The following ACOXL variants were observed in gnomAD, a reference collection of about 807,000 sequenced individuals.
ACOXL encodes acyl-coenzyme A oxidase-like protein.
ACOXL carries 70 observed loss-of-function variants against 71.9 expected under a neutral mutation model. That is an observed-to-expected ratio of 0.97 (90% CI 0.80 to 1.19). The LOEUF is 1.19. ACOXL is among the 50% of genes most tolerant of loss of function. The pLI is 0.00. For missense variants in ACOXL, 703 were observed against 736.3 expected (o/e 0.95, Z 0.52); for synonymous variants, 253 against 281.6 (o/e 0.90, Z 1.02).
chr2:110,820,247 CA>C (rs1208121586), intron 9 of ACOXL, among the ~76,000 whole-genome samples: 2 of 152,054 alleles, frequency 1.3e-5, no homozygotes, highest in Non-Finnish European at 2.9e-5. Context: ...GGAGGAACAA[CA>C]GGAGCACGTC....
rs552922122 is a variant in ACOXL at position 110,881,475 on chromosome 2, G to A, written c.789-27314G>A. Reference sequence around the variant, plus strand: ...CATATATATATATATGCTTTATTAAGGTATAATTAACATACAATAAACTGT... The same window carrying A: ...CATATATATATATATGCTTTATTAAAGTATAATTAACATACAATAAACTGT... On this transcript the variant is annotated intron_variant, in intron 10 of 17. Coordinates refer to ENST00000439055, the MANE Select transcript of ACOXL (RefSeq NM_001142807.4). Among the ~76,000 whole-genome samples the A allele has an allele frequency of 1.3e-5, 2 of 151,910 alleles. 1 individual carries two copies. Among genetic ancestry groups the A allele is most frequent in the South Asian group, 4.2e-4 (2 of 4,812 alleles).
chr2:111,090,201 T>C (rs1448707776), intron 16 of ACOXL, among the ~76,000 whole-genome samples: 1 of 152,124 alleles, frequency 6.6e-6, no homozygotes, highest in Non-Finnish European at 1.5e-5. Context: ...ACCCTAGGCA[T>C]ATAAAGATGA....
intron 11 of ACOXL, among the ~76,000 whole-genome samples, chr2:110,921,399 C>T (rs868288575): frequency 2.4e-4 from 30 of 122,912 alleles, no homozygotes; most frequent in African/African-American, 7.4e-4. Context: ...CCCCCCCCCC[C>T]CTTTTTTTTT....
intron 12 of ACOXL, among the ~76,000 whole-genome samples, chr2:110,959,121 G>T (rs557617976): frequency 6.6e-6 from 1 of 152,356 alleles, no homozygotes; most frequent in South Asian, 2.1e-4. Flanking sequence ...TTGGCTGAGT[G>T]TGAATGGCCC....
chr2:110,989,235 A>T (rs2063070266), intron 13 of ACOXL, among the ~76,000 whole-genome samples: 1 of 152,118 alleles, frequency 6.6e-6, no homozygotes, highest in South Asian at 2.1e-4. Context: ...GGCACCGTTT[A>T]CTGAATTGGA....
Position 110,933,560 on chromosome 2 carries a change from C to T in ACOXL, c.977C>T (p.Ala326Val). The T allele has an allele frequency of 6.2e-7, 1 of 1,614,174 alleles. No individual in the cohort carries two copies. Residue 326 changes from alanine (A) to valine (V), a missense_variant, in exon 12 of 18, where the codon GCT becomes GTT. Transcript: ENST00000439055. Reference protein sequence around the residue: ...KELVNSRSLQALVAGLKAYST... With the variant: ...KELVNSRSLQVLVAGLKAYST... The stretch of plus-strand genomic sequence containing the variant: ...CTGGTCAACAGTCGCTCGCTGCAGG[C>T]TCTGGTGGCGGGGCTGAAGGCCTAC...
chr2:110,871,981 T>C (rs1695335472), intron 10 of ACOXL, among the ~76,000 whole-genome samples: 1 of 152,240 alleles, frequency 6.6e-6, no homozygotes, highest in Non-Finnish European at 1.5e-5. Flanking sequence ...TGCATTCAAC[T>C]GTAATGATTG....
intron 15 of ACOXL, among the ~76,000 whole-genome samples, chr2:111,037,147 G>T (rs544915874): frequency 1.8e-4 from 27 of 152,162 alleles, no homozygotes; most frequent in Non-Finnish European, 3.5e-4. Context: ...CGGTCTTCAT[G>T]CTGGGGTTCC....
Position 110,821,846 on chromosome 2 carries a change from A to T in ACOXL, c.753+16451A>T, listed in dbSNP as rs532294529. On this transcript the variant is annotated intron_variant, in intron 9 of 17. Coordinates refer to ENST00000439055, the MANE Select transcript of ACOXL (RefSeq NM_001142807.4). ...ATACTTTGGGTTATAATCTAATACT[A>T]CTTTCTTTTGTTGCTCAAATTGTTT... Among the ~76,000 whole-genome samples the T allele has an allele frequency of 2.9e-3, 436 of 152,130 alleles. 1 individual carries two copies. Among genetic ancestry groups the T allele is most frequent in the Non-Finnish European group, 5.3e-3 (362 of 68,000 alleles).
chr2:111,029,638 C>T lies in ACOXL; in HGVS notation c.1282-1989C>T, dbSNP rs117731421. On this transcript the variant is annotated intron_variant, in intron 14 of 17. Transcript: ENST00000439055. The stretch of plus-strand genomic sequence containing the variant: ...TTGCTTTCCTATTCTAGGAATGCTG[C>T]CTTTCCATCAGCATGCCCCAAGACC... 1.9e-3 allele frequency among the ~76,000 whole-genome samples: 290 copies of T among 152,312 alleles called. 7 individuals are homozygous for T. In the East Asian group the frequency reaches 0.045, roughly 23 times the overall value.
Position 110,862,330 on chromosome 2 carries a change from A to G in ACOXL, c.788+20925A>G, listed in dbSNP as rs572437723. On this transcript the variant is annotated intron_variant, in intron 10 of 17. Transcript: ENST00000439055. The stretch of plus-strand genomic sequence containing the variant: ...GGCCAGAGTTATCAAGAGGGAGAGC[A>G]CGGAGCTGAGTGCAGTGGTTCACAC... Among the ~76,000 whole-genome samples, 4 of 152,318 alleles carry G rather than the reference A, an allele frequency of 2.6e-5. No homozygotes were observed. The South Asian group carries it at 8.3e-4, about 32-fold the overall frequency.
At chr2:110,921,031 T>C (rs2060046929) in intron 11 of ACOXL, among the ~76,000 whole-genome samples, 1 of 152,162 alleles carries the variant, frequency 6.6e-6, no homozygotes, top group Non-Finnish European at 1.5e-5. Flanking sequence ...CTTTTCAGAT[T>C]ACCTAATTTT....
At chr2:110,998,657 T>C (rs1318416442) in intron 14 of ACOXL, among the ~76,000 whole-genome samples, 1 of 152,206 alleles carries the variant, frequency 6.6e-6, no homozygotes, top group Non-Finnish European at 1.5e-5. Flanking sequence ...TTGAACTGAG[T>C]TGATCTGGTA....
intron 12 of ACOXL, among the ~76,000 whole-genome samples, chr2:110,938,703 G>A (rs559775673): frequency 6.7e-6 from 1 of 148,786 alleles, no homozygotes; most frequent in East Asian, 2.7e-4. Context: ...ATGAATGAAC[G>A]AATAAATGAA....
chr2:110,858,436 A>G (rs1389972017), intron 10 of ACOXL, among the ~76,000 whole-genome samples: 1 of 151,790 alleles, frequency 6.6e-6, no homozygotes, highest in African/African-American at 2.4e-5. Flanking sequence ...GCTTTCTAAG[A>G]GTGGGTTTTG....
intron 3 of ACOXL, among the ~76,000 whole-genome samples, chr2:110,789,959 T>TGGGA (rs1684450494): frequency 6.6e-6 from 1 of 152,216 alleles, no homozygotes; most frequent in Admixed American, 6.5e-5. Context: ...AGGGGCACAC[T>TGGGA]CAGAACAACA....
intron 11 of ACOXL, among the ~76,000 whole-genome samples, chr2:110,925,012 G>A (rs1574144670): frequency 1.3e-5 from 2 of 152,164 alleles, no homozygotes; most frequent in African/African-American, 4.8e-5. Context: ...CTCCCTCAGA[G>A]CTCCTAAGTG....
At chr2:110,838,255 C>A (rs1197233289) in intron 9 of ACOXL, among the ~76,000 whole-genome samples, 1 of 152,036 alleles carries the variant, frequency 6.6e-6, no homozygotes, top group African/African-American at 2.4e-5. Flanking sequence ...TGAATGTGGA[C>A]GAGTGTATGT....
At chr2:110,949,316 A>G (rs1418716354) in intron 12 of ACOXL, among the ~76,000 whole-genome samples, 1 of 148,604 alleles carries the variant, frequency 6.7e-6, no homozygotes, top group Admixed American at 6.7e-5. Flanking sequence ...TACTGTGACA[A>G]CTTTATCAGC....
Sources: allele counts gnomAD v4.1 joint callset (sites outside exome capture counted in the v4.1 genomes callset), GRCh38; gene constraint gnomAD v4.1.1; transcripts MANE v1.5; gene names NCBI Gene and HGNC (gene_info 2026-07-23, HGNC 2026-07-21).